Variants in LGSN observed in about 807,000 individuals in gnomAD.
LGSN encodes the protein lengsin.
LGSN carries 21 observed loss-of-function variants against 19.5 expected under a neutral mutation model. The ratio of observed to expected loss-of-function variants is 1.07; its 90% CI spans 0.76 to 1.55. The LOEUF (loss-of-function observed/expected upper bound fraction) is 1.55, where lower values mean the gene tolerates loss of function less well. Ranked by LOEUF, LGSN falls within the 40% of genes most tolerant of loss-of-function variation. LGSN has a pLI of 0.00. For synonymous variants in LGSN, 257 were observed against 215.6 expected (o/e 1.19, Z -1.68); for missense variants, 673 against 608.5 (o/e 1.11, Z -1.12).
chr6:63,293,610 G>A (rs1333612825), intron 2 of LGSN: 1 of 389,938 alleles, frequency 2.6e-6, no homozygotes, highest in Non-Finnish European at 5.1e-6. Context: ...CAGACTTAGG[G>A]TTAGTGGCTA....
the LGSN span, among the ~76,000 whole-genome samples, chr6:63,513,071 T>G: frequency 6.6e-6 from 1 of 152,208 alleles, no homozygotes; most frequent in Non-Finnish European, 1.5e-5. Context: ...CTAGTCCATC[T>G]CCTCTGAAAT....
At chr6:63,504,244 CTT>C in the LGSN span, among the ~76,000 whole-genome samples, 430 of 144,128 alleles carry the variant, frequency 3.0e-3, 5 homozygotes, top group African/African-American at 9.4e-3. Context: ...TCAAGCGATT[CTT>C]TTTTTTTTTT....
the LGSN span, among the ~76,000 whole-genome samples, chr6:63,346,953 C>A: frequency 2.2e-4 from 34 of 152,150 alleles, no homozygotes; most frequent in African/African-American, 7.7e-4. Flanking sequence ...CATCTCCTGG[C>A]GAAGTATGAA....
chr6:63,492,835 C>G, the LGSN span, among the ~76,000 whole-genome samples: 1 of 152,242 alleles, frequency 6.6e-6, no homozygotes, highest in Non-Finnish European at 1.5e-5. Flanking sequence ...AATCACACTT[C>G]AGGCTGAGTA....
At chr6:63,416,606 C>G in the LGSN span, among the ~76,000 whole-genome samples, 3,161 of 151,812 alleles carry the variant, frequency 0.021, 115 homozygotes, top group African/African-American at 0.072. Flanking sequence ...GACGGAGTTT[C>G]ATTCCTGTTG....
chr6:63,464,741 C>A, the LGSN span, among the ~76,000 whole-genome samples: 2 of 151,652 alleles, frequency 1.3e-5, no homozygotes, highest in African/African-American at 4.8e-5. Flanking sequence ...ATTTAAAACT[C>A]CCTGGCCAAA....
the LGSN span, among the ~76,000 whole-genome samples, chr6:63,417,992 A>C: frequency 1.3e-5 from 2 of 152,218 alleles, no homozygotes; most frequent in Admixed American, 6.5e-5. Flanking sequence ...GAATAAGTAC[A>C]TTACCATATT....
chr6:63,287,852 G>A (rs1767605797), intron 2 of LGSN, among the ~76,000 whole-genome samples: 1 of 152,058 alleles, frequency 6.6e-6, no homozygotes, highest in African/African-American at 2.4e-5. Context: ...ATAACAGGTA[G>A]TCTTACTAGT....
the LGSN span, among the ~76,000 whole-genome samples, chr6:63,459,948 C>T: frequency 4.0e-5 from 6 of 151,868 alleles, no homozygotes; most frequent in Non-Finnish European, 7.4e-5. Flanking sequence ...CCTAATAATG[C>T]TAAAGTTTCC....
At chr6:63,496,973 A>G in the LGSN span, among the ~76,000 whole-genome samples, 1 of 152,080 alleles carries the variant, frequency 6.6e-6, no homozygotes, top group East Asian at 1.9e-4. Context: ...TGAAGGTTAC[A>G]ACAAAAATCC....
At chr6:63,571,934 G>A in the LGSN span, 1 of 152,162 alleles carries the variant, frequency 6.6e-6, no homozygotes, top group African/African-American at 2.4e-5. Context: ...TGAGTCACCG[G>A]GTACAGCGGT....
chr6:63,367,409 T>G, the LGSN span, among the ~76,000 whole-genome samples: 1 of 152,064 alleles, frequency 6.6e-6, no homozygotes, highest in Non-Finnish European at 1.5e-5. Context: ...TCACACCAGT[T>G]AGAATGGCAA....
At chr6:63,323,200 A>T (rs1389550245), upstream of LGSN, among the ~76,000 whole-genome samples, 2 of 152,208 alleles carry the variant, frequency 1.3e-5, no homozygotes, top group Non-Finnish European at 2.9e-5. Context: ...AAATTATTCC[A>T]AAACAGCCCA....
At chr6:63,441,945 C>G in the LGSN span, 2 of 229,026 alleles carry the variant, frequency 8.7e-6, no homozygotes, top group African/African-American at 4.7e-5. Flanking sequence ...CGGACCCTCG[C>G]GGTGAGTGTT....
At chr6:63,438,736 A>G in the LGSN span, among the ~76,000 whole-genome samples, 10 of 152,328 alleles carry the variant, frequency 6.6e-5, no homozygotes, top group South Asian at 2.1e-3. Flanking sequence ...GAGAAATAGG[A>G]ACACTTTACA....
the LGSN span, among the ~76,000 whole-genome samples, chr6:63,376,681 A>C: frequency 6.6e-6 from 1 of 152,228 alleles, no homozygotes; most frequent in Non-Finnish European, 1.5e-5. Context: ...AAATATGAGA[A>C]AGGAATCATC....
At chr6:63,347,427 A>G in the LGSN span, among the ~76,000 whole-genome samples, 1 of 152,186 alleles carries the variant, frequency 6.6e-6, no homozygotes, top group African/African-American at 2.4e-5. Context: ...CTATTGATTT[A>G]GGTCTTCTTT....
chr6:63,376,599 C>T, the LGSN span, among the ~76,000 whole-genome samples: 1 of 152,310 alleles, frequency 6.6e-6, no homozygotes, highest in South Asian at 2.1e-4. Context: ...AGAAAACATT[C>T]ACCTATTGCA....
At chr6:63,298,024 C>T (rs902380325) in intron 1 of LGSN, among the ~76,000 whole-genome samples, 3 of 152,192 alleles carry the variant, frequency 2.0e-5, no homozygotes, top group Non-Finnish European at 4.4e-5. Flanking sequence ...GCCTAAGAGT[C>T]GCTCTGAACA....
Sources: allele counts gnomAD v4.1 joint callset (sites outside exome capture counted in the v4.1 genomes callset), GRCh38; gene constraint gnomAD v4.1.1; transcripts MANE v1.5; gene names NCBI Gene and HGNC (gene_info 2026-07-23, HGNC 2026-07-21).